The following CNGA3 variants were observed in gnomAD, a reference collection of about 807,000 sequenced individuals.
CNGA3 encodes cyclic nucleotide-gated channel alpha-3.
Under a neutral mutation model 46.6 loss-of-function variants are expected in CNGA3, and 42 were observed. The ratio of observed to expected loss-of-function variants is 0.90; its 90% CI spans 0.70 to 1.17. The LOEUF (loss-of-function observed/expected upper bound fraction) is 1.17. Among genes scored for constraint, CNGA3 ranks in the 50% most tolerant of loss-of-function variants. The pLI is 0.00. For missense variants in CNGA3, 893 were observed against 890.7 expected (o/e 1.00, Z -0.03); for synonymous variants, 394 against 369.4 (o/e 1.07, Z -0.76).
chr2:98,388,996 G>A (rs2104227663), intron 5 of CNGA3, among the ~76,000 whole-genome samples: 1 of 152,372 alleles, frequency 6.6e-6, no homozygotes. Flanking sequence ...TGAATCTGCG[G>A]GAAATTCTAA....
intron 1 of CNGA3, among the ~76,000 whole-genome samples, chr2:98,355,128 A>C (rs1194744671): frequency 6.6e-6 from 1 of 152,154 alleles, no homozygotes; most frequent in African/African-American, 2.4e-5. Context: ...AGTTTGGGTA[A>C]GTCTATTTTG....
At position 98,382,375 on chromosome 2, in the gene CNGA3, G is replaced by A. The variant is rs558042392; in HGVS notation, c.396-1013G>A. Among the ~76,000 whole-genome samples the A allele has an allele frequency of 7.2e-5, 11 of 152,300 alleles. 1 individual carries two copies. The highest frequency in any genetic ancestry group is 4.6e-4 in the Admixed American group (7 of 15,308). ...AACCTTCCCTCCTTCACAATCCCAC[G>A]GCGGTTCCAGTTCCTGGGAGATTTT... On this transcript the variant is annotated intron_variant, in intron 4 of 7. Coordinates refer to ENST00000272602, the MANE Select transcript of CNGA3 (RefSeq NM_001298.3).
intron 1 of CNGA3, among the ~76,000 whole-genome samples, chr2:98,348,337 C>T (rs981755925): frequency 2.6e-5 from 4 of 152,198 alleles, no homozygotes; most frequent in Non-Finnish European, 4.4e-5. Flanking sequence ...CTTTGATGCT[C>T]CTGTTTCTAT....
chr2:98,361,958 C>T lies in CNGA3; in HGVS notation c.-37-7981C>T, dbSNP rs1015896974. The stretch of plus-strand genomic sequence containing the variant: ...TCCTGGCCTCGTGATCCACCTGCCT[C>T]GGCCTCCCAAAGTGCTGGGATTACA... On this transcript the variant is annotated intron_variant, in intron 1 of 7. Transcript: ENST00000272602. Among the ~76,000 whole-genome samples, 10 of 152,094 alleles carry T rather than the reference C, an allele frequency of 6.6e-5. No individual in the cohort carries two copies. In the East Asian group the frequency reaches 7.7e-4, roughly 12 times the overall value.
At chr2:98,366,090 T>A (rs184019209) in intron 1 of CNGA3, among the ~76,000 whole-genome samples, 1,568 of 114,570 alleles carry the variant, frequency 0.014, 33 homozygotes, top group African/African-American at 0.044. Flanking sequence ...TTGTGGAAAC[T>A]TTTTAGTTGA....
At chr2:98,376,428 G>A (rs1324567548) in intron 2 of CNGA3, among the ~76,000 whole-genome samples, 4 of 152,158 alleles carry the variant, frequency 2.6e-5, no homozygotes, top group African/African-American at 9.7e-5. Context: ...GAAGCTACCT[G>A]ACTCCCGGTG....
chr2:98,386,522 A>G (rs1692658655), intron 5 of CNGA3, among the ~76,000 whole-genome samples: 1 of 152,218 alleles, frequency 6.6e-6, no homozygotes, highest in African/African-American at 2.4e-5. Context: ...GCCTTCCACC[A>G]TGATTGCGAG....
chr2:98,347,450 C>G (rs1007950923), intron 1 of CNGA3, among the ~76,000 whole-genome samples: 6 of 152,194 alleles, frequency 3.9e-5, no homozygotes, highest in Admixed American at 3.9e-4. Context: ...GTCCCGCAAC[C>G]CCGGGCCGGG....
chr2:98,390,231 G>A (rs1692754200), intron 6 of CNGA3, among the ~76,000 whole-genome samples: 1 of 151,976 alleles, frequency 6.6e-6, no homozygotes, highest in Admixed American at 6.5e-5. Flanking sequence ...CACCTCCCGG[G>A]TTAAAGCGAT....
intron 3 of CNGA3, among the ~76,000 whole-genome samples, chr2:98,379,631 A>G (rs896644918): frequency 1.3e-5 from 2 of 152,230 alleles, no homozygotes; most frequent in African/African-American, 4.8e-5. Flanking sequence ...TAGTTTGTAC[A>G]AGAACACACC....
At chr2:98,357,926 T>G (rs937729) in intron 1 of CNGA3, among the ~76,000 whole-genome samples, 34,093 of 152,194 alleles carry the variant, frequency 0.22, 4,331 homozygotes, top group Admixed American at 0.37. Flanking sequence ...CAAGCCATAA[T>G]GTGGATTTCA....
intron 1 of CNGA3, among the ~76,000 whole-genome samples, chr2:98,362,002 C>T (rs757874954): frequency 2.0e-4 from 31 of 152,024 alleles, no homozygotes; most frequent in African/African-American, 6.5e-4. Flanking sequence ...CCACCGCGCC[C>T]GGCCTTCTTG....
At chr2:98,356,027 C>T (rs780684643) in intron 1 of CNGA3, 4 of 152,236 alleles carry the variant, frequency 2.6e-5, no homozygotes, top group Non-Finnish European at 5.9e-5. Flanking sequence ...CACGTCAGCT[C>T]TGTGGGGTGG....
rs10168603 is a variant in CNGA3 at position 98,385,378 on chromosome 2, T to C, written c.449+1937T>C. Among the ~76,000 whole-genome samples the C allele has an allele frequency of 7.4e-3, 1,130 of 152,324 alleles. 25 individuals carry two copies. Among genetic ancestry groups the C allele is most frequent in the African/African-American group, 0.026 (1,066 of 41,562 alleles). ...TTTCATTTAATGATTTTAATAACCT[T>C]TTATTCTAATTCACTTTATTGAAAT... On this transcript the variant is annotated intron_variant, in intron 5 of 7. Transcript: ENST00000272602.
Position 98,371,849 on chromosome 2 carries a change from G to A in CNGA3, c.101+1773G>A, listed in dbSNP as rs762431116. On this transcript the variant is annotated intron_variant, in intron 2 of 7. Transcript: ENST00000272602. ...TTTCAAAGAGAGGGTCGGGCATCAG[G>A]GAGAAGGAGCCCAAGAATGAGGCAC... Among the ~76,000 whole-genome samples the A allele has an allele frequency of 1.1e-3, 171 of 152,336 alleles. 4 individuals carry two copies. The highest frequency in any genetic ancestry group is 4.0e-3 in the Admixed American group (61 of 15,304).
chr2:98,351,984 C>T (rs1691778987), intron 1 of CNGA3, among the ~76,000 whole-genome samples: 1 of 152,176 alleles, frequency 6.6e-6, no homozygotes, highest in African/African-American at 2.4e-5. Context: ...TCAAAAGGGA[C>T]CCCGTATCCA....
Position 98,396,427 on chromosome 2 carries a change from C to T in CNGA3, c.1257C>T (p.Ser419=). 4.3e-6 allele frequency: 7 copies of T among 1,613,974 alleles called. No homozygotes were observed. The highest frequency in any genetic ancestry group is 5.9e-6 in the Non-Finnish European group (7 of 1,180,042). The change falls in exon 8 of 8, where the codon TCC becomes TCT. Residue 419 remains serine, a synonymous_variant. Coordinates refer to ENST00000272602, the MANE Select transcript of CNGA3 (RefSeq NM_001298.3). ...SRAEFQAKID[S]IKQYMQFRKV... ...CAGAGTTCCAGGCCAAGATTGATTCCATCAAGCAGTACATGCAGTTCCGCA... is the reference window on the plus strand; with the variant it reads ...CAGAGTTCCAGGCCAAGATTGATTCTATCAAGCAGTACATGCAGTTCCGCA...
chr2:98,395,335 A>G (rs1692885522), intron 7 of CNGA3, among the ~76,000 whole-genome samples: 1 of 151,756 alleles, frequency 6.6e-6, no homozygotes, highest in Non-Finnish European at 1.5e-5. Flanking sequence ...ACATCTGGCT[A>G]ATTTTTGTAT....
intron 1 of CNGA3, among the ~76,000 whole-genome samples, chr2:98,368,355 G>A (rs1174844766): frequency 6.6e-6 from 1 of 152,204 alleles, no homozygotes; most frequent in Non-Finnish European, 1.5e-5. Flanking sequence ...GGTCTCCACT[G>A]ACATCTGACA....
Sources: allele counts gnomAD v4.1 joint callset (sites outside exome capture counted in the v4.1 genomes callset), GRCh38; gene constraint gnomAD v4.1.1; transcripts MANE v1.5; gene names NCBI Gene and HGNC (gene_info 2026-07-23, HGNC 2026-07-21).